The following OPALIN variants were observed in gnomAD, a reference collection of about 807,000 sequenced individuals.
OPALIN encodes the protein transmembrane protein 10.
In OPALIN, 15 loss-of-function variants were observed where a neutral mutation model predicts 17.8. That is an observed-to-expected ratio of 0.84 (90% CI 0.56 to 1.29). OPALIN has a LOEUF of 1.29. OPALIN is among the 50% of genes most tolerant of loss of function. OPALIN has a pLI of 0.00. For missense variants in OPALIN, 170 were observed against 176.0 expected (o/e 0.97, Z 0.19); for synonymous variants, 62 against 63.8 (o/e 0.97, Z 0.14).
At chr10:96,352,356 A>G (rs1845621035) in intron 2 of OPALIN, among the ~76,000 whole-genome samples, 1 of 152,168 alleles carries the variant, frequency 6.6e-6, no homozygotes, top group Non-Finnish European at 1.5e-5. Context: ...AAAAAATGTA[A>G]TAGATCTCAG....
intron 2 of OPALIN, chr10:96,353,350 C>T: frequency 6.3e-7 from 1 of 1,589,608 alleles, no homozygotes; most frequent in Non-Finnish European, 8.6e-7. Context: ...CCACCTCTGT[C>T]CCACTTCCCA....
chr10:96,346,599 T>TG (rs1845339577), intron 5 of OPALIN, among the ~76,000 whole-genome samples: 1 of 152,242 alleles, frequency 6.6e-6, no homozygotes, highest in Non-Finnish European at 1.5e-5. Context: ...GTTTTCTGTT[T>TG]GTTCTACCTG....
At position 96,343,685 on chromosome 10, in the gene OPALIN, CTTGT is replaced by C. The variant is rs1467023779; in HGVS notation, c.*2252_*2255del. Reference sequence around the variant, plus strand: ...GTCTGTTTAAAAATGGCTAAATCTGCTTGTTTAAGGTAATTAGATCCAGAGGACT... The same window carrying C: ...GTCTGTTTAAAAATGGCTAAATCTGCTTAAGGTAATTAGATCCAGAGGACT... On this transcript the variant is annotated 3_prime_UTR_variant, in exon 6 of 6. Transcript: ENST00000371172. 3 of 152,184 alleles carry C rather than the reference CTTGT, an allele frequency of 2.0e-5. No homozygotes were observed. Among genetic ancestry groups the C allele is most frequent in the African/African-American group, 4.8e-5 (2 of 41,450 alleles). The allele number at this position is 152,184 out of a possible 1,614,324, so 9.4% of individuals were successfully genotyped here.
In OPALIN at chr10:96,344,729, T is replaced by C. The variant is rs1845239444; in HGVS notation, c.*1212A>G. ...AATCTGAAGCCTTTAAAAAATAAAA[T>C]AAAAGAAGTTGTAACTTTAACAACT... On this transcript the variant is annotated 3_prime_UTR_variant, in exon 6 of 6. Coordinates refer to ENST00000371172, the MANE Select transcript of OPALIN (RefSeq NM_033207.5). 6.6e-6 allele frequency: 1 copy of C among 152,172 alleles called. No individual in the cohort carries two copies. Among genetic ancestry groups the C allele is most frequent in the Non-Finnish European group, 1.5e-5 (1 of 67,982 alleles). The allele number at this position is 152,172 out of a possible 1,614,324, so 9.4% of individuals were successfully genotyped here.
In OPALIN at chr10:96,344,129, C is replaced by T. The variant is rs1845208134; in HGVS notation, c.*1812G>A. ...ATTTTTCTTTCTGCCAAACAGCTTT[C>T]CCCTAGATATCCAAGGACTTGGTTC... On this transcript the variant is annotated 3_prime_UTR_variant, in exon 6 of 6. Transcript: ENST00000371172. 2 of 152,286 alleles carry T rather than the reference C, an allele frequency of 1.3e-5. No homozygotes were observed. The highest frequency in any genetic ancestry group is 1.9e-4 in the East Asian group (1 of 5,194). 9.4% of individuals were successfully genotyped at this position (152,286 alleles called of 1,614,324 possible).
intron 5 of OPALIN, among the ~76,000 whole-genome samples, chr10:96,346,501 T>C (rs1007037512): frequency 6.6e-6 from 1 of 152,246 alleles, no homozygotes; most frequent in Non-Finnish European, 1.5e-5. Flanking sequence ...CAATGTGAAA[T>C]CTCTTCCTGT....
intron 1 of OPALIN, among the ~76,000 whole-genome samples, chr10:96,357,411 G>A (rs1845864207): frequency 6.6e-6 from 1 of 152,208 alleles, no homozygotes; most frequent in Non-Finnish European, 1.5e-5. Flanking sequence ...GGGTGGAGAA[G>A]AATCTGATGC....
At chr10:96,353,515 A>G (rs12572329) in intron 2 of OPALIN, 217,425 of 1,238,074 alleles carry the variant, frequency 0.18, 23,309 homozygotes, top group East Asian at 0.49. Flanking sequence ...GGCAAAGCAA[A>G]ATGGTTGGTT....
rs1845181850 is a variant in OPALIN at position 96,343,530 on chromosome 10, G to A, written c.*2411C>T. On this transcript the variant is annotated 3_prime_UTR_variant, in exon 6 of 6. Transcript: ENST00000371172. ...TTTACAAGTACAGAACTGAGGCTCT[G>A]GATGATCAACAATCGGCCCAAGGGC... 1 of 152,162 alleles carries A rather than the reference G, an allele frequency of 6.6e-6. No individual in the cohort carries two copies. The highest frequency in any genetic ancestry group is 6.5e-5 in the Admixed American group (1 of 15,282). 9.4% of individuals were successfully genotyped at this position (152,162 alleles called of 1,614,324 possible).
chr10:96,353,897 G>A (rs552045893), intron 2 of OPALIN, among the ~76,000 whole-genome samples: 1 of 152,180 alleles, frequency 6.6e-6, no homozygotes, highest in Non-Finnish European at 1.5e-5. Context: ...CCCCACCAGA[G>A]GCTGGAGCAG....
At chr10:96,356,505 G>C (rs1461601477) in intron 1 of OPALIN, among the ~76,000 whole-genome samples, 2 of 152,130 alleles carry the variant, frequency 1.3e-5, no homozygotes, top group Non-Finnish European at 2.9e-5. Flanking sequence ...AATGAGAACA[G>C]TTGGAGCCAC....
intron 2 of OPALIN, among the ~76,000 whole-genome samples, chr10:96,354,250 T>C (rs1194887422): frequency 1.3e-5 from 2 of 152,156 alleles, no homozygotes; most frequent in Non-Finnish European, 2.9e-5. Flanking sequence ...GAGGATCAGC[T>C]GTGGATTGAA....
At chr10:96,350,242 G>C (rs1170570910) in intron 3 of OPALIN, among the ~76,000 whole-genome samples, 1 of 152,044 alleles carries the variant, frequency 6.6e-6, no homozygotes, top group Non-Finnish European at 1.5e-5. Flanking sequence ...TTGAGATGGA[G>C]TCTTGCTCTG....
At chr10:96,357,660 C>G (rs573296388) in intron 1 of OPALIN, among the ~76,000 whole-genome samples, 1 of 152,330 alleles carries the variant, frequency 6.6e-6, no homozygotes, top group African/African-American at 2.4e-5. Context: ...ACCGTAATGT[C>G]ATCTGTGGCA....
Position 96,348,285 on chromosome 10 carries a change from T to C in OPALIN, c.249+4A>G, listed in dbSNP as rs1238182724. 1 of 1,498,688 alleles carries C rather than the reference T, an allele frequency of 6.7e-7. No individual in the cohort carries two copies. Among genetic ancestry groups the C allele is most frequent in the Non-Finnish European group, 9.3e-7 (1 of 1,079,048 alleles). The allele number at this position is 1,498,688 out of a possible 1,614,324, so 92.8% of individuals were successfully genotyped here. On this transcript the variant is annotated splice_donor_region_variant and intron_variant, in intron 5 of 5. Coordinates refer to ENST00000371172, the MANE Select transcript of OPALIN (RefSeq NM_033207.5). ...ATATAGAGAGTATAACCAAGAGTTC[T>C]TACCTCAGATATCTTGGGATTGTCA...
intron 1 of OPALIN, chr10:96,357,036 G>C (rs1309320719): frequency 1.0e-6 from 1 of 985,384 alleles, no homozygotes; most frequent in African/African-American, 1.7e-5. Flanking sequence ...TGGGATGACG[G>C]TGGAACACAG....
chr10:96,355,376 A>G (rs892809312), intron 1 of OPALIN, 86 bp from the exon 2 acceptor site: 39 of 1,245,048 alleles, frequency 3.1e-5, no homozygotes, highest in Non-Finnish European at 4.2e-5. Flanking sequence ...ACCCTGGTGG[A>G]TTCCGAGAGG....
intron 1 of OPALIN, 52 bp from the exon 2 acceptor site, chr10:96,355,342 T>G: frequency 2.0e-6 from 3 of 1,522,592 alleles, no homozygotes; most frequent in Non-Finnish European, 2.7e-6. Context: ...AGCAAGCTCC[T>G]TCCTCACTTC....
In OPALIN at chr10:96,349,702, A is replaced by G; in HGVS notation, c.192+5T>C. On this transcript the variant is annotated splice_donor_5th_base_variant and intron_variant, in intron 4 of 5. Coordinates refer to ENST00000371172, the MANE Select transcript of OPALIN (RefSeq NM_033207.5). ...ACATCTGGACCCAAAGAAGCTAGTA[A>G]TCACCTCCATGGCCTCAATGCTGCT... 1.2e-6 allele frequency: 2 copies of G among 1,612,564 alleles called. No individual in the cohort carries two copies. Among genetic ancestry groups the G allele is most frequent in the Non-Finnish European group, 1.7e-6 (2 of 1,179,492 alleles).
Sources: allele counts gnomAD v4.1 joint callset (sites outside exome capture counted in the v4.1 genomes callset), GRCh38; gene constraint gnomAD v4.1.1; transcripts MANE v1.5; gene names NCBI Gene and HGNC (gene_info 2026-07-23, HGNC 2026-07-21).